The following OTOF variants were observed in gnomAD, a reference collection of about 807,000 sequenced individuals.
The protein encoded by OTOF is otoferlin, also known as fer-1-like family member 2.
In OTOF, 218 loss-of-function variants were observed where a neutral mutation model predicts 236.8. The observed-to-expected ratio is 0.92, with a 90% CI of 0.82 to 1.03. The LOEUF (loss-of-function observed/expected upper bound fraction) is 1.03, where lower values mean the gene tolerates loss of function less well. OTOF is among the 50% of genes least tolerant of loss of function. OTOF has a pLI of 0.00. For synonymous variants in OTOF, 1,041 were observed against 1,072.5 expected, an observed-to-expected ratio of 0.97 and a Z score of 0.57; for missense variants, 2,590 against 2,694.4, an observed-to-expected ratio of 0.96 and a Z score of 0.86.
chr2:26,484,321 C>T (rs1434805491), intron 12 of OTOF, among the ~76,000 whole-genome samples, 153 bp downstream of exon 12: 1 of 152,188 alleles, frequency 6.6e-6, no homozygotes, highest in Non-Finnish European at 1.5e-5. Flanking sequence ...CTGCCCCTGC[C>T]CTGCCTCGGA....
chr2:26,529,342 C>T (rs1666885286), intron 2 of OTOF, among the ~76,000 whole-genome samples: 1 of 152,110 alleles, frequency 6.6e-6, no homozygotes, highest in Admixed American at 6.6e-5. Flanking sequence ...CTCAATAGTC[C>T]AGTAATAAAT....
chr2:26,511,721 G>A (rs919376536), intron 5 of OTOF, among the ~76,000 whole-genome samples: 3 of 152,234 alleles, frequency 2.0e-5, no homozygotes, highest in East Asian at 3.8e-4. Context: ...AGAGCTCACA[G>A]CATAGGAGGA....
In OTOF at chr2:26,462,276, G is replaced by A; in HGVS notation, c.5193-95C>T. The A allele has an allele frequency of 1.9e-6, 2 of 1,073,932 alleles. No homozygotes were observed. Among genetic ancestry groups the A allele is most frequent in the East Asian group, 2.4e-5 (1 of 42,418 alleles). 66.5% of individuals were successfully genotyped at this position (1,073,932 alleles called of 1,614,324 possible). A position where few individuals can be genotyped will look rare whatever the true frequency, so the allele number is the denominator to read the frequency against. ...TGGGGCAGGCGGAGAGAAGCCCTGG[G>A]GTCTTGGGGTCAGCACAGGGCCTGG... On this transcript the variant is annotated intron_variant, in intron 41 of 46. Transcript: ENST00000272371. The surrounding 1 kb of genome is among the most constrained non-coding windows in gnomAD (Gnocchi z 4.7).
In OTOF at chr2:26,522,223, A is replaced by G. The variant is rs145358344; in HGVS notation, c.228-3114T>C. 3.5e-3 allele frequency among the ~76,000 whole-genome samples: 534 copies of G among 152,354 alleles called. 1 individual carries two copies. Among genetic ancestry groups the G allele is most frequent in the African/African-American group, 0.012 (516 of 41,582 alleles). ...CCTCTCTCAAATAAAAGTAAAAATT[A>G]TATTTTTTGACATGGACAATTGATA... is the stretch of plus-strand genomic sequence containing the variant. On this transcript the variant is annotated intron_variant, in intron 3 of 46. Transcript: ENST00000272371.
intron 9 of OTOF, among the ~76,000 whole-genome samples, chr2:26,490,200 T>G (rs1434704170): frequency 6.6e-6 from 1 of 152,186 alleles, no homozygotes; most frequent in East Asian, 1.9e-4. Flanking sequence ...GATGAGACAG[T>G]GTAACATATT....
intron 5 of OTOF, among the ~76,000 whole-genome samples, chr2:26,505,106 C>T (rs1666214728): frequency 6.6e-6 from 1 of 152,014 alleles, no homozygotes; most frequent in African/African-American, 2.4e-5. Context: ...AAACCTGGCC[C>T]TATCCCAACC....
In OTOF at chr2:26,479,291, G is replaced by A. The variant is rs762870100; in HGVS notation, c.2187C>T (p.Asn729=). The A allele has an allele frequency of 8.7e-6, 14 of 1,612,868 alleles. No individual in the cohort carries two copies. The South Asian group carries it at 1.5e-4, about 18-fold the overall frequency. Residue 729 remains asparagine, a synonymous_variant, in exon 18 of 47, where the codon AAC becomes AAT. Transcript: ENST00000272371. ...PDQRRRLYNA[N]IMDHIADKLE... ...GCTTGTCGGCAATGTGGTCCATGATGTTGGCATTGTAGAGGCGGCGGCGCT... is the reference window on the plus strand; with the variant it reads ...GCTTGTCGGCAATGTGGTCCATGATATTGGCATTGTAGAGGCGGCGGCGCT...
At chr2:26,492,264 T>C (rs974560546) in intron 9 of OTOF, among the ~76,000 whole-genome samples, 1 of 152,080 alleles carries the variant, frequency 6.6e-6, no homozygotes, top group African/African-American at 2.4e-5. Flanking sequence ...ATCTACTGGG[T>C]AGAGGCCAGG....
At chr2:26,482,365 C>T in intron 14 of OTOF, 41 bp downstream of exon 14, 2 of 1,588,622 alleles carry the variant, frequency 1.3e-6, no homozygotes, top group Non-Finnish European at 1.7e-6. Flanking sequence ...CTTCAGGCCA[C>T]TCCCTCTGCC....
chr2:26,477,605 G>C lies in OTOF; in HGVS notation c.2315+44C>G, dbSNP rs1019891922. 1 of 1,608,950 alleles carries C rather than the reference G, an allele frequency of 6.2e-7. No homozygotes were observed. Among genetic ancestry groups the C allele is most frequent in the South Asian group, 1.1e-5 (1 of 90,806 alleles). ...GCCCTGGCAGGGTCCCCTTTGTCCA[G>C]TTCCGCCTCATCCTCCCCCCACCTG... On this transcript the variant is annotated intron_variant, in intron 19 of 46. Transcript: ENST00000272371. This position sits in a 1 kb window ranked among gnomAD's most constrained non-coding sequence, Gnocchi z 4.7.
rs752458492 is a variant in OTOF, at chr2:26,474,618, G to A, written c.3183C>T (p.Asp1061=). ...TFAKPLVKMA[D]EAYCPPRFPP... The stretch of plus-strand genomic sequence containing the variant: ...GGAAGCGGGGTGGGCAGTACGCCTC[G>A]TCTGCCATCTTCACCAGGGGTTTGG... The change falls in exon 26 of 47, where the codon GAC becomes GAT. Residue 1061 remains aspartate, a synonymous_variant. Transcript: ENST00000272371. The A allele has an allele frequency of 2.0e-5, 33 of 1,613,096 alleles. No homozygotes were observed. The highest frequency in any genetic ancestry group is 1.6e-4 in the Middle Eastern group (1 of 6,084).
intron 2 of OTOF, among the ~76,000 whole-genome samples, chr2:26,530,621 G>A (rs920583699): frequency 2.0e-5 from 3 of 151,944 alleles, no homozygotes; most frequent in Non-Finnish European, 2.9e-5. Flanking sequence ...CCACCCACAC[G>A]AGGCTTTCCC....
rs1449484906 is a variant in OTOF at position 26,483,451 on chromosome 2, T to G, written c.1392+11A>C. 1.9e-6 allele frequency: 3 copies of G among 1,613,118 alleles called. No individual in the cohort carries two copies. The Admixed American group carries it at 5.0e-5, about 27-fold the overall frequency. Reference sequence around the variant, plus strand: ...CCCAGCCCCAGCCTCCTGTACCTCATACCCCAGTACCTTCTGGCCAGCAAA... The same window carrying G: ...CCCAGCCCCAGCCTCCTGTACCTCAGACCCCAGTACCTTCTGGCCAGCAAA... On this transcript the variant is annotated intron_variant, in intron 13 of 46. Coordinates refer to ENST00000272371, the MANE Select transcript of OTOF (RefSeq NM_194248.3).
At chr2:26,507,448 G>T (rs763402941) in intron 5 of OTOF, among the ~76,000 whole-genome samples, 15 of 152,212 alleles carry the variant, frequency 9.9e-5, no homozygotes, top group Non-Finnish European at 4.4e-5. Flanking sequence ...TGAAATAAAT[G>T]TCAACTTAAT....
chr2:26,549,435 T>A (rs968121895), intron 1 of OTOF, among the ~76,000 whole-genome samples: 4 of 152,212 alleles, frequency 2.6e-5, no homozygotes, highest in African/African-American at 9.6e-5. Flanking sequence ...GTTTCTTACA[T>A]AGTATACTCT....
At chr2:26,486,235 T>G (rs1476120475) in intron 11 of OTOF, among the ~76,000 whole-genome samples, 2 of 120,782 alleles carry the variant, frequency 1.7e-5, no homozygotes, top group African/African-American at 6.4e-5. Context: ...GATAGATGGG[T>G]GGGTAGATAT....
At chr2:26,546,135 G>A (rs1302172730) in intron 1 of OTOF, among the ~76,000 whole-genome samples, 1 of 152,104 alleles carries the variant, frequency 6.6e-6, no homozygotes, top group East Asian at 1.9e-4. Context: ...AAGTAAGCTA[G>A]AGAAAAGAAA....
At chr2:26,484,405 T>C in intron 12 of OTOF, 69 bp downstream of exon 12, 2 of 1,571,794 alleles carry the variant, frequency 1.3e-6, no homozygotes, top group Non-Finnish European at 1.7e-6. Context: ...CAGCAAACCC[T>C]CACCGGGGGC....
chr2:26,494,914 A>C, intron 9 of OTOF, 28 bp downstream of exon 9: 1 of 1,613,796 alleles, frequency 6.2e-7, no homozygotes, highest in Non-Finnish European at 8.5e-7. Context: ...ATATTTACAG[A>C]GGCTCCTTTC....
Sources: allele counts gnomAD v4.1 joint callset (sites outside exome capture counted in the v4.1 genomes callset), GRCh38; gene constraint gnomAD v4.1.1; non-coding constraint Gnocchi (gnomAD v3.1); transcripts MANE v1.5; gene names NCBI Gene and HGNC (gene_info 2026-07-23, HGNC 2026-07-21).